Variants in PCDH7 observed in about 807,000 individuals in gnomAD.
PCDH7 encodes protocadherin-7.
Under a neutral mutation model 58.9 loss-of-function variants are expected in PCDH7, and 17 were observed. That is an observed-to-expected ratio of 0.29 (90% CI 0.20 to 0.43). PCDH7 has a LOEUF of 0.43. Among genes scored for constraint, PCDH7 ranks in the 20% least tolerant of loss-of-function variants. The pLI is 1.00. For missense variants in PCDH7, 1,274 were observed against 1,441.0 expected, an observed-to-expected ratio of 0.88 and a Z score of 1.88; for synonymous variants, 664 against 616.4, an observed-to-expected ratio of 1.08 and a Z score of -1.14.
chr4:30,768,159 T>C (rs1720979035), intron 1 of PCDH7, among the ~76,000 whole-genome samples: 2 of 152,144 alleles, frequency 1.3e-5, no homozygotes, highest in South Asian at 4.1e-4. Context: ...ACAATAAATT[T>C]AATGTCATGC....
At chr4:30,891,106 A>G (rs1738547356) in intron 1 of PCDH7, among the ~76,000 whole-genome samples, 1 of 152,148 alleles carries the variant, frequency 6.6e-6, no homozygotes, top group Non-Finnish European at 1.5e-5. Context: ...AAATGAAGGA[A>G]TGGTCTCTAA....
At chr4:30,984,586 G>T (rs1162603858) in intron 3 of PCDH7, among the ~76,000 whole-genome samples, 1 of 152,182 alleles carries the variant, frequency 6.6e-6, no homozygotes, top group Non-Finnish European at 1.5e-5. Context: ...GTGCCCCAAA[G>T]AAAGGGTAAA....
chr4:30,912,645 C>T (rs1741938809), intron 1 of PCDH7, among the ~76,000 whole-genome samples: 1 of 152,062 alleles, frequency 6.6e-6, no homozygotes, highest in South Asian at 2.1e-4. Context: ...TTAAAGTTCC[C>T]AATAAAGTTG....
intron 3 of PCDH7, among the ~76,000 whole-genome samples, chr4:31,105,388 G>T (rs1578809301): frequency 6.6e-6 from 1 of 152,068 alleles, no homozygotes; most frequent in Non-Finnish European, 1.5e-5. Flanking sequence ...TTCTGCCAGG[G>T]TATCAGTCAG....
intron 1 of PCDH7, among the ~76,000 whole-genome samples, chr4:30,776,525 C>CT (rs1722089950): frequency 6.6e-6 from 1 of 152,180 alleles, no homozygotes; most frequent in Admixed American, 6.5e-5. Flanking sequence ...CAAAGATTCC[C>CT]TTTCACTCTT....
At chr4:31,136,823 A>G (rs1471093100) in intron 3 of PCDH7, among the ~76,000 whole-genome samples, 2 of 152,192 alleles carry the variant, frequency 1.3e-5, no homozygotes, top group Admixed American at 6.5e-5. Flanking sequence ...TCACTTGTGC[A>G]TCTTTTGGAT....
chr4:31,120,441 C>CTTTTTTTT (rs138878762), intron 3 of PCDH7, among the ~76,000 whole-genome samples: 7 of 107,980 alleles, frequency 6.5e-5, no homozygotes, highest in Admixed American at 1.9e-4. Context: ...CTATTTTTTT[C>CTTTTTTTT]TTTTTTTTTT....
At chr4:31,063,775 G>A (rs1757874094) in intron 3 of PCDH7, among the ~76,000 whole-genome samples, 1 of 151,828 alleles carries the variant, frequency 6.6e-6, no homozygotes, top group South Asian at 2.1e-4. Flanking sequence ...GAATGAACAG[G>A]TGTTAGATAT....
chr4:31,083,065 G>C (rs528089675), intron 3 of PCDH7, among the ~76,000 whole-genome samples: 5 of 152,164 alleles, frequency 3.3e-5, no homozygotes, highest in Admixed American at 3.3e-4. Flanking sequence ...CGGAGATTGC[G>C]CCACTGCACT....
intron 3 of PCDH7, among the ~76,000 whole-genome samples, chr4:30,955,909 A>G (rs13149300): frequency 0.61 from 92,626 of 151,074 alleles, 29,535 homozygotes; most frequent in African/African-American, 0.81. Context: ...TACAGGCTGG[A>G]CGCAGTGGCT....
At chr4:30,856,484 C>A (rs532782522) in intron 1 of PCDH7, among the ~76,000 whole-genome samples, 1 of 152,038 alleles carries the variant, frequency 6.6e-6, no homozygotes, top group African/African-American at 2.4e-5. Flanking sequence ...TAGGATTTTA[C>A]AAAAGCTTAG....
chr4:31,047,026 A>G (rs1422009711), intron 3 of PCDH7, among the ~76,000 whole-genome samples: 1 of 152,064 alleles, frequency 6.6e-6, no homozygotes, highest in Non-Finnish European at 1.5e-5. Flanking sequence ...ATTGTATATA[A>G]TTTTGATAGA....
chr4:30,745,566 G>A (rs1182408011), intron 1 of PCDH7, among the ~76,000 whole-genome samples: 1 of 152,016 alleles, frequency 6.6e-6, no homozygotes, highest in East Asian at 1.9e-4. Context: ...TCTAATAAAG[G>A]CACTCATGTG....
At chr4:31,028,106 G>A (rs1754593127) in intron 3 of PCDH7, among the ~76,000 whole-genome samples, 1 of 151,918 alleles carries the variant, frequency 6.6e-6, no homozygotes, top group Non-Finnish European at 1.5e-5. Context: ...TCTTAGGTAA[G>A]CCAAATTATT....
At chr4:30,740,013 GATA>G (rs1186900457) in intron 1 of PCDH7, among the ~76,000 whole-genome samples, 2 of 152,288 alleles carry the variant, frequency 1.3e-5, no homozygotes, top group African/African-American at 4.8e-5. Flanking sequence ...ATTAAATAGT[GATA>G]ATAATGATAA....
intron 1 of PCDH7, among the ~76,000 whole-genome samples, chr4:30,805,676 T>C (rs77944311): frequency 0.023 from 3,505 of 152,256 alleles, 209 homozygotes; most frequent in East Asian, 0.22. Context: ...AGGGTAAAAA[T>C]CCAGAGATCA....
intron 3 of PCDH7, among the ~76,000 whole-genome samples, chr4:31,038,605 A>G (rs1017060535): frequency 2.0e-5 from 3 of 152,168 alleles, no homozygotes; most frequent in Admixed American, 6.5e-5. Context: ...TGTGAATTGT[A>G]TATACATGTA....
intron 3 of PCDH7, among the ~76,000 whole-genome samples, chr4:31,041,645 T>C (rs1177628417): frequency 2.0e-5 from 3 of 152,070 alleles, no homozygotes; most frequent in African/African-American, 7.2e-5. Flanking sequence ...ATTGTTTCAG[T>C]TGGCATTGCT....
intron 1 of PCDH7, among the ~76,000 whole-genome samples, chr4:30,740,774 C>T (rs13121800): frequency 0.45 from 68,985 of 151,624 alleles, 16,383 homozygotes; most frequent in Middle Eastern, 0.53. Context: ...ATTAGTTGTT[C>T]GTTATTAAAT....
Sources: gnomAD v4.1 joint callset for allele counts (sites outside exome capture counted in the v4.1 genomes callset) on GRCh38, gnomAD v4.1.1 for gene constraint, MANE v1.5 for transcripts, NCBI Gene and HGNC (gene_info 2026-07-23, HGNC 2026-07-21) for gene names.